Variants in NFIC observed in about 807,000 individuals in gnomAD.
NFIC encodes the protein nuclear factor I C, also known as nuclear factor 1 C-type.
NFIC carries 12 observed loss-of-function variants against 54.4 expected under a neutral mutation model. The ratio of observed to expected loss-of-function variants is 0.22; its 90% CI spans 0.14 to 0.36. NFIC has a LOEUF of 0.36. Ranked by LOEUF, NFIC falls within the 10% of genes least tolerant of loss-of-function variation. The pLI, the probability that NFIC is intolerant of heterozygous loss-of-function variation, is 1.00. For missense variants in NFIC, 575 were observed against 718.2 expected (o/e 0.80, Z 2.28); for synonymous variants, 322 against 319.2 (o/e 1.01, Z -0.09).
At chr19:3,380,596 T>C (rs1472028953) in intron 1 of NFIC, among the ~76,000 whole-genome samples, 1 of 148,412 alleles carries the variant, frequency 6.7e-6, no homozygotes, top group African/African-American at 2.5e-5. Context: ...CCCAAAGTGC[T>C]GGGATTACAG....
At chr19:3,433,374 G>A in intron 3 of NFIC, 144 bp from the exon 4 acceptor site, 1 of 776,188 alleles carries the variant, frequency 1.3e-6, no homozygotes, top group East Asian at 2.8e-5. Context: ...CATCAGACTG[G>A]AGCTGTCATT....
chr19:3,460,986 G>T (rs2082630024), intron 10 of NFIC, among the ~76,000 whole-genome samples: 2 of 152,042 alleles, frequency 1.3e-5, no homozygotes, highest in Admixed American at 6.5e-5. Flanking sequence ...TTAGCTGGGT[G>T]TGATGGCGCA....
At chr19:3,449,390 C>T (rs1168001190) in intron 7 of NFIC, among the ~76,000 whole-genome samples, 1 of 152,078 alleles carries the variant, frequency 6.6e-6, no homozygotes, top group Admixed American at 6.6e-5. Flanking sequence ...CCTAACTTCA[C>T]CTCACTCCCC....
At chr19:3,446,171 G>A (rs2082371804) in intron 6 of NFIC, among the ~76,000 whole-genome samples, 1 of 152,184 alleles carries the variant, frequency 6.6e-6, no homozygotes, top group South Asian at 2.1e-4. Context: ...GAAACCAGGG[G>A]GACCCCAGCT....
At chr19:3,382,387 GC>G in intron 2 of NFIC, 144 bp downstream of exon 2, 1 of 1,193,492 alleles carries the variant, frequency 8.4e-7, no homozygotes. Context: ...CTTGGAGAGT[GC>G]CCAATGGGGG....
chr19:3,369,138 GTGTCTC>G lies in NFIC; in HGVS notation c.30+2480_30+2485del, dbSNP rs1307379390. Among the ~76,000 whole-genome samples, 1 of 150,738 alleles carries G rather than the reference GTGTCTC, an allele frequency of 6.6e-6. No homozygotes were observed. The highest frequency in any genetic ancestry group is 1.5e-5 in the Non-Finnish European group (1 of 67,648). ...CTTTGTCTCTGCATGTCTCTTTGAT[GTGTCTC>G]TGTCTCTCTGTCTCTCCCTCCCTTT... On this transcript the variant is annotated intron_variant, in intron 1 of 10. Transcript: ENST00000443272. This position sits in a 1 kb window ranked among gnomAD's most constrained non-coding sequence, Gnocchi z 4.3.
At chr19:3,361,268 C>T (rs2080807595) in intron 1 of NFIC, among the ~76,000 whole-genome samples, 1 of 152,156 alleles carries the variant, frequency 6.6e-6, no homozygotes, top group African/African-American at 2.4e-5. Context: ...TTCCCCCTCC[C>T]TGAGAGGCCG....
intron 2 of NFIC, among the ~76,000 whole-genome samples, chr19:3,385,151 A>C (rs2081274171): frequency 8.0e-6 from 1 of 125,048 alleles, no homozygotes; most frequent in East Asian, 2.2e-4. Flanking sequence ...TCCCTGCTTC[A>C]ATTGGCCCCA....
chr19:3,404,820 T>TGTG (rs1488898771), intron 2 of NFIC, among the ~76,000 whole-genome samples: 1 of 152,150 alleles, frequency 6.6e-6, no homozygotes, highest in African/African-American at 2.4e-5. Flanking sequence ...GCAGGGGCCC[T>TGTG]GCGGCCTCCA....
chr19:3,435,319 A>G (rs1009759544), intron 6 of NFIC, 112 bp downstream of exon 6: 9 of 1,382,326 alleles, frequency 6.5e-6, no homozygotes, highest in Non-Finnish European at 8.6e-6. Context: ...GCCGGCCTGG[A>G]GCCGCGGGGC....
intron 2 of NFIC, among the ~76,000 whole-genome samples, chr19:3,407,821 C>G (rs1421833106): frequency 6.6e-6 from 1 of 151,990 alleles, no homozygotes; most frequent in Non-Finnish European, 1.5e-5. Context: ...GGAGGGTGTT[C>G]CAGAGAAGGA....
intron 2 of NFIC, among the ~76,000 whole-genome samples, chr19:3,423,317 C>G (rs2081980827): frequency 6.6e-6 from 1 of 152,216 alleles, no homozygotes; most frequent in Non-Finnish European, 1.5e-5. Context: ...TGCCTCCCAG[C>G]TCTGCTAAGG....
intron 2 of NFIC, among the ~76,000 whole-genome samples, chr19:3,421,119 G>C (rs537684952): frequency 6.6e-6 from 1 of 152,242 alleles, no homozygotes; most frequent in African/African-American, 2.4e-5. Context: ...GTGAGGCGCG[G>C]ATGCATCCGA....
chr19:3,416,267 A>G (rs912802849), intron 2 of NFIC, among the ~76,000 whole-genome samples: 2 of 149,912 alleles, frequency 1.3e-5, no homozygotes, highest in Non-Finnish European at 3.0e-5. Context: ...GCATAGGTAT[A>G]TTTTATATAC....
intron 1 of NFIC, among the ~76,000 whole-genome samples, chr19:3,368,596 G>A (rs1215302541): frequency 6.6e-6 from 1 of 152,162 alleles, no homozygotes; most frequent in Non-Finnish European, 1.5e-5. Flanking sequence ...CCCAAGTGCA[G>A]GGGGCTCCCT....
chr19:3,421,541 G>A (rs1049654555), intron 2 of NFIC, among the ~76,000 whole-genome samples: 1 of 152,226 alleles, frequency 6.6e-6, no homozygotes, highest in Non-Finnish European at 1.5e-5. Flanking sequence ...GGCCACGGCC[G>A]GGGCAGCCTA....
In NFIC at chr19:3,397,061, T is replaced by C. The variant is rs182659801; in HGVS notation, c.562+14818T>C. ...GTGTCTGGGGTGCATTGTGGGGGGATTGCAGGCGTATTGAGGGCTTACCAA... is the reference window on the plus strand; with the variant it reads ...GTGTCTGGGGTGCATTGTGGGGGGACTGCAGGCGTATTGAGGGCTTACCAA... On this transcript the variant is annotated intron_variant, in intron 2 of 10. Transcript: ENST00000443272. Among the ~76,000 whole-genome samples the C allele has an allele frequency of 1.2e-3, 183 of 152,128 alleles. No homozygotes were observed. The Middle Eastern group carries it at 0.014, about 11-fold the overall frequency.
chr19:3,450,065 C>CT (rs2082435973), intron 7 of NFIC, among the ~76,000 whole-genome samples: 1 of 151,686 alleles, frequency 6.6e-6, no homozygotes, highest in Admixed American at 6.6e-5. Context: ...CAAAAAAAGG[C>CT]TAAGTGCAAG....
At position 3,369,654 on chromosome 19, in the gene NFIC, TTTACTC is replaced by T. The variant is rs1049319152; in HGVS notation, c.30+2992_30+2997del. ...GCGGTGACTCAAGCGCTTTTTCACTTTTACTCTTAAGAGGAACTGTGTGGAGCCCAT... is the reference window on the plus strand; with the variant it reads ...GCGGTGACTCAAGCGCTTTTTCACTTTTAAGAGGAACTGTGTGGAGCCCAT... On this transcript the variant is annotated intron_variant, in intron 1 of 10. Transcript: ENST00000443272. This position sits in a 1 kb window ranked among gnomAD's most constrained non-coding sequence, Gnocchi z 4.3. 2.7e-4 allele frequency among the ~76,000 whole-genome samples: 41 copies of T among 151,560 alleles called. No individual in the cohort carries two copies. The highest frequency in any genetic ancestry group is 3.6e-4 in the African/African-American group (15 of 41,296).
Sources: gnomAD v4.1 joint callset for allele counts (sites outside exome capture counted in the v4.1 genomes callset) on GRCh38, gnomAD v4.1.1 for gene constraint, Gnocchi (gnomAD v3.1) non-coding constraint, MANE v1.5 for transcripts, NCBI Gene and HGNC (gene_info 2026-07-23, HGNC 2026-07-21) for gene names.